The following TMED10 variants were observed in gnomAD, a reference collection of about 807,000 sequenced individuals.
TMED10 encodes the protein transmembrane emp24 domain-containing protein 10.
Under a neutral mutation model 23.1 loss-of-function variants are expected in TMED10, and 7 were observed. That is an observed-to-expected ratio of 0.30 (90% CI 0.17 to 0.57). The LOEUF (loss-of-function observed/expected upper bound fraction) is 0.57. Ranked by LOEUF, TMED10 falls within the 20% of genes least tolerant of loss-of-function variation. TMED10 has a pLI of 0.91. For missense variants in TMED10, 162 were observed against 274.8 expected (o/e 0.59, Z 2.90); for synonymous variants, 113 against 106.9 (o/e 1.06, Z -0.35).
intron 1 of TMED10, among the ~76,000 whole-genome samples, chr14:75,153,151 G>A (rs1895975362): frequency 6.6e-6 from 1 of 151,056 alleles, no homozygotes; most frequent in Non-Finnish European, 1.5e-5. Flanking sequence ...CCAACATGGC[G>A]AAACCTCATC....
intron 1 of TMED10, among the ~76,000 whole-genome samples, chr14:75,163,078 TTA>T (rs1896103498): frequency 1.4e-5 from 2 of 145,400 alleles, no homozygotes; most frequent in Non-Finnish European, 3.1e-5. Context: ...CTAAAAATAA[TTA>T]AAAAAAAAAA....
rs1895712539 is a variant in TMED10, at chr14:75,133,547, A to T, written c.*1338T>A. The T allele has an allele frequency of 6.6e-6, 1 of 152,644 alleles. No homozygotes were observed. Among genetic ancestry groups the T allele is most frequent in the Non-Finnish European group, 1.5e-5 (1 of 68,312 alleles). The allele number at this position is 152,644 out of a possible 1,614,324, so 9.5% of individuals were successfully genotyped here. On this transcript the variant is annotated 3_prime_UTR_variant, in exon 5 of 5. Transcript: ENST00000303575. The stretch of plus-strand genomic sequence containing the variant: ...AATCATACATTGCTGTCTGAATTGT[A>T]TGAGTGGCTGTATGTAAAAAGTAGA...
intron 1 of TMED10, among the ~76,000 whole-genome samples, chr14:75,171,424 T>C (rs141418210): frequency 1.0e-3 from 152 of 152,018 alleles, no homozygotes; most frequent in African/African-American, 3.4e-3. Context: ...GGACTACAGG[T>C]GTGCACCACC....
chr14:75,167,688 C>T (rs1896604591), intron 1 of TMED10, among the ~76,000 whole-genome samples: 1 of 152,114 alleles, frequency 6.6e-6, no homozygotes, highest in African/African-American at 2.4e-5. Context: ...GAAATCATAA[C>T]TTGGTATAAG....
intron 3 of TMED10, 40 bp from the exon 4 acceptor site, chr14:75,135,926 C>T (rs368374887): frequency 5.6e-6 from 9 of 1,608,750 alleles, no homozygotes; most frequent in South Asian, 5.6e-5. Flanking sequence ...CTGAAAACAT[C>T]GCTTCAGTCA....
chr14:75,131,506 A>G lies in TMED10; in HGVS notation c.*3379T>C, dbSNP rs968290231. 3.3e-5 allele frequency: 5 copies of G among 152,602 alleles called. No homozygotes were observed. The highest frequency in any genetic ancestry group is 1.2e-4 in the African/African-American group (5 of 41,448). 9.5% of individuals were successfully genotyped at this position (152,602 alleles called of 1,614,324 possible). ...GCCTTTATTTGAGAAAATTTACACA[A>G]AAATCCCCAATCCAACATTTACAAG... On this transcript the variant is annotated 3_prime_UTR_variant, in exon 5 of 5. Transcript: ENST00000303575.
chr14:75,139,360 T>A (rs969139270), intron 3 of TMED10, among the ~76,000 whole-genome samples: 1 of 151,680 alleles, frequency 6.6e-6, no homozygotes, highest in African/African-American at 2.4e-5. Flanking sequence ...ATTGTTTAGT[T>A]AATCATTCAA....
chr14:75,173,118 G>A (rs576716561), intron 1 of TMED10, among the ~76,000 whole-genome samples: 186 of 152,320 alleles, frequency 1.2e-3, no homozygotes, highest in Middle Eastern at 3.4e-3. Context: ...AGGTGCAATG[G>A]CTCATGCCTG....
chr14:75,164,215 G>A (rs1896120259), intron 1 of TMED10, among the ~76,000 whole-genome samples: 1 of 147,088 alleles, frequency 6.8e-6, no homozygotes, highest in Non-Finnish European at 1.5e-5. Flanking sequence ...ACAGATGCAT[G>A]CCACCATGCC....
intron 1 of TMED10, among the ~76,000 whole-genome samples, chr14:75,163,409 C>T (rs1594872953): frequency 6.6e-6 from 1 of 151,552 alleles, no homozygotes; most frequent in Non-Finnish European, 1.5e-5. Flanking sequence ...AAAAACTAGC[C>T]GGGCATGGTG....
At chr14:75,155,428 A>G (rs894876055) in intron 1 of TMED10, among the ~76,000 whole-genome samples, 2 of 152,224 alleles carry the variant, frequency 1.3e-5, no homozygotes, top group African/African-American at 4.8e-5. Flanking sequence ...CCTGATGGTT[A>G]GTGATACTGG....
chr14:75,159,454 C>T (rs181310967), intron 1 of TMED10, among the ~76,000 whole-genome samples: 1 of 152,318 alleles, frequency 6.6e-6, no homozygotes, highest in African/African-American at 2.4e-5. Flanking sequence ...AGGAAAGAGA[C>T]TAAGTCATTG....
At chr14:75,146,388 C>G (rs12881035) in intron 3 of TMED10, among the ~76,000 whole-genome samples, 13,389 of 152,258 alleles carry the variant, frequency 0.088, 832 homozygotes, top group Middle Eastern at 0.12. Context: ...TTCCACTATT[C>G]CTAGACAATT....
At chr14:75,162,092 C>T (rs1202502725) in intron 1 of TMED10, among the ~76,000 whole-genome samples, 1 of 152,022 alleles carries the variant, frequency 6.6e-6, no homozygotes, top group East Asian at 1.9e-4. Flanking sequence ...TGGAGAAACC[C>T]CATCTCTACT....
intron 1 of TMED10, among the ~76,000 whole-genome samples, chr14:75,159,937 C>T (rs1896066791): frequency 1.3e-5 from 2 of 152,178 alleles, no homozygotes; most frequent in African/African-American, 4.8e-5. Context: ...GCAAAGGGCC[C>T]GCCACTGCAG....
chr14:75,156,871 G>A (rs913371156), intron 1 of TMED10, among the ~76,000 whole-genome samples: 4 of 148,682 alleles, frequency 2.7e-5, no homozygotes, highest in South Asian at 2.1e-4. Context: ...GAGAGATCAC[G>A]CCACTGCATT....
chr14:75,135,876 A>G lies in TMED10; in HGVS notation c.422T>C (p.Val141Ala), dbSNP rs1259220338. ...TACCTCTAATGGTTTGAGCTTCTCA[A>G]CTTTTGCAATCTGGAAAAGAATGGA... The part of the protein sequence containing the change: ...EAKNYEEIAK[V>A]EKLKPLEVEL... Residue 141 changes from valine (V) to alanine (A), a missense_variant, in exon 4 of 5, where the codon GTT becomes GCT. Val to Ala is a moderately conservative substitution (Grantham distance 64, BLOSUM62 0). Coordinates refer to ENST00000303575, the MANE Select transcript of TMED10 (RefSeq NM_006827.6). 1.4e-5 allele frequency: 22 copies of G among 1,613,626 alleles called. No individual in the cohort carries two copies. Among genetic ancestry groups the G allele is most frequent in the Non-Finnish European group, 1.9e-5 (22 of 1,179,896 alleles).
chr14:75,174,156 T>G (rs1465768183), intron 1 of TMED10, among the ~76,000 whole-genome samples: 1 of 152,202 alleles, frequency 6.6e-6, no homozygotes, highest in Non-Finnish European at 1.5e-5. Context: ...ATGCTTGGCA[T>G]TCTAGAAAAG....
chr14:75,158,066 T>C (rs1896042572), intron 1 of TMED10, among the ~76,000 whole-genome samples: 1 of 152,208 alleles, frequency 6.6e-6, no homozygotes, highest in African/African-American at 2.4e-5. Context: ...AAGAGGAATG[T>C]ACAGTGGCCA....
Sources: gnomAD v4.1 joint callset for allele counts (sites outside exome capture counted in the v4.1 genomes callset) on GRCh38, gnomAD v4.1.1 for gene constraint, MANE v1.5 for transcripts, NCBI Gene and HGNC (gene_info 2026-07-23, HGNC 2026-07-21) for gene names.